FCHSD2: variants seen among roughly 807,000 people sequenced by gnomAD.
FCHSD2 encodes the protein F-BAR and double SH3 domains protein 2.
FCHSD2 carries 38 observed loss-of-function variants against 108.1 expected under a neutral mutation model. The observed-to-expected ratio is 0.35, with a 90% CI of 0.27 to 0.46. The LOEUF is 0.46. FCHSD2 is among the 20% of genes least tolerant of loss of function. The pLI, the probability that FCHSD2 is intolerant of heterozygous loss-of-function variation, is 1.00. For synonymous variants in FCHSD2, 279 were observed against 314.7 expected (o/e 0.89, Z 1.20); for missense variants, 751 against 897.8 (o/e 0.84, Z 2.09).
rs1854811352 is a variant in FCHSD2, at chr11:72,869,767, C to T, written c.1147-1741G>A. 3 of 152,112 alleles carry T rather than the reference C, an allele frequency of 2.0e-5. No homozygotes were observed. The South Asian group carries it at 6.2e-4, about 32-fold the overall frequency. The allele number at this position is 152,112 out of a possible 1,614,324, so 9.4% of individuals were successfully genotyped here. A position where few individuals can be genotyped will look rare whatever the true frequency, so the allele number is the denominator to read the frequency against. ...TTTTCCTGTTCATAATGCTATGCCT[C>T]AGAACACCCTGAAATCCAGCATTTT... On this transcript the variant is annotated intron_variant, in intron 12 of 19. Coordinates refer to ENST00000409418, the MANE Select transcript of FCHSD2 (RefSeq NM_014824.3).
intron 8 of FCHSD2, among the ~76,000 whole-genome samples, chr11:72,954,210 T>G (rs1318442229): frequency 7.1e-6 from 1 of 141,114 alleles, no homozygotes; most frequent in South Asian, 2.4e-4. Flanking sequence ...TTTTTTTTTT[T>G]TTTTTTTTTT....
chr11:72,887,692 C>A, intron 11 of FCHSD2, 118 bp from the exon 12 acceptor site: 1 of 600,882 alleles, frequency 1.7e-6, no homozygotes, highest in Non-Finnish European at 2.7e-6. Flanking sequence ...AATTTTTTTT[C>A]ATTTATTTAT....
intron 10 of FCHSD2, among the ~76,000 whole-genome samples, chr11:72,893,302 C>T (rs762386280): frequency 6.6e-6 from 1 of 151,984 alleles, no homozygotes; most frequent in Non-Finnish European, 1.5e-5. Flanking sequence ...CACGCCTGGC[C>T]TAGATCATTC....
intron 3 of FCHSD2, among the ~76,000 whole-genome samples, chr11:73,071,659 T>A (rs1032536046): frequency 5.9e-5 from 9 of 151,864 alleles, no homozygotes; most frequent in Admixed American, 2.6e-4. Flanking sequence ...CGAGATCATG[T>A]CACTGCACTC....
intron 2 of FCHSD2, among the ~76,000 whole-genome samples, chr11:73,097,866 G>A: frequency 6.6e-6 from 1 of 152,034 alleles, no homozygotes; most frequent in East Asian, 1.9e-4. Flanking sequence ...TAGAGACAGA[G>A]TCTTGCTATG....
At chr11:72,856,902 T>A (rs950828263) in intron 13 of FCHSD2, among the ~76,000 whole-genome samples, 1 of 152,192 alleles carries the variant, frequency 6.6e-6, no homozygotes, top group African/African-American at 2.4e-5. Context: ...GCCTTCATAT[T>A]CTAGGAAAGT....
intron 8 of FCHSD2, among the ~76,000 whole-genome samples, chr11:72,935,476 T>C (rs150228321): frequency 2.1e-4 from 32 of 152,338 alleles, no homozygotes; most frequent in African/African-American, 7.2e-4. Flanking sequence ...ATCAAGATGA[T>C]GATAAATGTG....
intron 8 of FCHSD2, among the ~76,000 whole-genome samples, chr11:72,959,577 C>G (rs1192467149): frequency 1.3e-5 from 2 of 151,946 alleles, no homozygotes; most frequent in Admixed American, 6.6e-5. Flanking sequence ...ACTCTGAGAC[C>G]GTCAATTTAG....
chr11:72,965,972 G>A (rs572974790), intron 8 of FCHSD2, among the ~76,000 whole-genome samples: 3 of 152,198 alleles, frequency 2.0e-5, no homozygotes, highest in Admixed American at 2.0e-4. Flanking sequence ...ACATCGGCAG[G>A]AAACATGATT....
intron 4 of FCHSD2, among the ~76,000 whole-genome samples, chr11:73,011,177 C>G (rs1857855867): frequency 6.6e-6 from 1 of 152,120 alleles, no homozygotes; most frequent in Non-Finnish European, 1.5e-5. Context: ...GATATGAAGT[C>G]AGGCTGGGGT....
intron 12 of FCHSD2, among the ~76,000 whole-genome samples, chr11:72,886,654 C>A (rs1278358629): frequency 6.6e-6 from 1 of 152,150 alleles, no homozygotes; most frequent in African/African-American, 2.4e-5. Flanking sequence ...AAAGTGTGTG[C>A]ACAGGTCCTC....
intron 9 of FCHSD2, among the ~76,000 whole-genome samples, chr11:72,910,193 G>A (rs1018809968): frequency 1.5e-4 from 22 of 150,800 alleles, no homozygotes; most frequent in Non-Finnish European, 2.8e-4. Flanking sequence ...GCCCAGTCTG[G>A]GAGGTGAGGA....
chr11:73,075,697 C>T (rs2135505182), intron 3 of FCHSD2, among the ~76,000 whole-genome samples: 1 of 151,966 alleles, frequency 6.6e-6, no homozygotes, highest in Non-Finnish European at 1.5e-5. Flanking sequence ...TGCCTGTAAT[C>T]CCAGCTACTC....
Position 72,933,260 on chromosome 11 carries a change from T to C in FCHSD2, c.706-11310A>G, listed in dbSNP as rs552337370. On this transcript the variant is annotated intron_variant, in intron 8 of 19. Coordinates refer to ENST00000409418, the MANE Select transcript of FCHSD2 (RefSeq NM_014824.3). ...CCTGGGATAGAGGCTGAAAGATTAA[T>C]CCAAAAATGGCCTATCCTTCCCACC... 2.0e-4 allele frequency among the ~76,000 whole-genome samples: 31 copies of C among 152,244 alleles called. No individual in the cohort carries two copies. In the South Asian group the frequency reaches 3.1e-3, roughly 15 times the overall value.
At chr11:72,905,365 C>G (rs989254491) in intron 9 of FCHSD2, among the ~76,000 whole-genome samples, 2 of 152,132 alleles carry the variant, frequency 1.3e-5, no homozygotes, top group African/African-American at 4.8e-5. Context: ...GTGTAATAAT[C>G]ATATCAAGGT....
intron 2 of FCHSD2, among the ~76,000 whole-genome samples, chr11:73,108,686 A>G (rs1860406883): frequency 6.6e-6 from 1 of 152,068 alleles, no homozygotes; most frequent in Admixed American, 6.5e-5. Flanking sequence ...CTCCTGCCTC[A>G]GCCTCCCGAG....
chr11:72,924,184 G>A (rs545829110), intron 8 of FCHSD2, among the ~76,000 whole-genome samples: 86 of 152,168 alleles, frequency 5.7e-4, no homozygotes, highest in African/African-American at 1.8e-3. Context: ...CCAGTAATCC[G>A]CCTGTCTCAG....
At chr11:72,998,065 T>C (rs150038311) in intron 5 of FCHSD2, among the ~76,000 whole-genome samples, 72 of 152,094 alleles carry the variant, frequency 4.7e-4, no homozygotes, top group Non-Finnish European at 8.1e-4. Context: ...AATATTCAGA[T>C]TGAAGTACAC....
chr11:72,887,653 T>C (rs1855226236), intron 11 of FCHSD2, 79 bp from the exon 12 acceptor site: 1 of 913,962 alleles, frequency 1.1e-6, no homozygotes, highest in Middle Eastern at 2.2e-4. Flanking sequence ...ATTTACATAA[T>C]TCAAAGGGCT....
Sources: gnomAD v4.1 joint callset for allele counts (sites outside exome capture counted in the v4.1 genomes callset) on GRCh38, gnomAD v4.1.1 for gene constraint, MANE v1.5 for transcripts, NCBI Gene and HGNC (gene_info 2026-07-23, HGNC 2026-07-21) for gene names.